SORL1: variants seen among roughly 807,000 people sequenced by gnomAD.
SORL1 encodes the protein sortilin-related receptor.
In SORL1, 127 loss-of-function variants were observed where a neutral mutation model predicts 273.7. That is an observed-to-expected ratio of 0.46 (90% confidence interval 0.40 to 0.54). The LOEUF (loss-of-function observed/expected upper bound fraction) is 0.54, where lower values mean the gene tolerates loss of function less well. Ranked by LOEUF, SORL1 falls within the 20% of genes least tolerant of loss-of-function variation. The pLI, the probability that SORL1 is intolerant of heterozygous loss-of-function variation, is 0.00. For synonymous variants in SORL1, 1,031 were observed against 1,067.4 expected, an observed-to-expected ratio of 0.97 and a Z score of 0.66; for missense variants, 2,494 against 2,846.1, an observed-to-expected ratio of 0.88 and a Z score of 2.81.
At chr11:121,599,471 G>A (rs1324143333) in intron 32 of SORL1, among the ~76,000 whole-genome samples, 1 of 152,252 alleles carries the variant, frequency 6.6e-6, no homozygotes, top group African/African-American at 2.4e-5. Context: ...TTGAACCCGG[G>A]AGGCGGAGGT....
In SORL1 at chr11:121,576,745, C is replaced by T. The variant is rs1016133135; in HGVS notation, c.3461-536C>T. 17 of 1,463,566 alleles carry T rather than the reference C, an allele frequency of 1.2e-5. No individual in the cohort carries two copies. The Admixed American group carries it at 3.6e-4, about 31-fold the overall frequency. 90.7% of individuals were successfully genotyped at this position (1,463,566 alleles called of 1,614,324 possible). ...TAGAGACAGCGCATCCACCCGTGTC[C>T]CTGGAGCTCTGCCCACAGAAAGTCC... On this transcript the variant is annotated intron_variant, in intron 24 of 47. Coordinates refer to ENST00000260197, the MANE Select transcript of SORL1 (RefSeq NM_003105.6).
rs780280596 is a variant in SORL1 at position 121,543,511 on chromosome 11, T to G, written c.1686-37T>G. The stretch of plus-strand genomic sequence containing the variant: ...GAAACCAAGCCTTTGCCTTAGAGAC[T>G]TTCACTGCAAGGATTCTCTTACTTG... On this transcript the variant is annotated intron_variant, in intron 12 of 47. Transcript: ENST00000260197. The G allele has an allele frequency of 8.9e-6, 14 of 1,567,198 alleles. No individual in the cohort carries two copies. The Admixed American group carries it at 1.9e-4, about 21-fold the overall frequency.
Position 121,545,550 on chromosome 11 carries a change from A to G in SORL1, c.2051+121A>G, listed in dbSNP as rs1862413202. 6 of 883,980 alleles carry G rather than the reference A, an allele frequency of 6.8e-6. No homozygotes were observed. In the South Asian group the frequency reaches 9.8e-5, roughly 14 times the overall value. 54.8% of individuals were successfully genotyped at this position (883,980 alleles called of 1,614,324 possible). ...AGGAAGGGAATAGAAGGAAACAAGTATTTGTGAAGCATCTTTTATGTGCCA... is the reference window on the plus strand; with the variant it reads ...AGGAAGGGAATAGAAGGAAACAAGTGTTTGTGAAGCATCTTTTATGTGCCA... On this transcript the variant is annotated intron_variant, in intron 14 of 47. Coordinates refer to ENST00000260197, the MANE Select transcript of SORL1 (RefSeq NM_003105.6).
chr11:121,522,052 A>G (rs779288842), intron 9 of SORL1, among the ~76,000 whole-genome samples: 6 of 152,232 alleles, frequency 3.9e-5, no homozygotes, highest in Admixed American at 6.5e-5. Flanking sequence ...TGCAAATGTA[A>G]AATACATAGG....
intron 35 of SORL1, among the ~76,000 whole-genome samples, chr11:121,606,558 A>G (rs1184727870): frequency 2.0e-5 from 3 of 152,240 alleles, no homozygotes. Flanking sequence ...TCTCAGGGTC[A>G]GTGGTGACTC....
intron 2 of SORL1, among the ~76,000 whole-genome samples, chr11:121,473,156 T>G (rs1054214928): frequency 6.6e-6 from 1 of 152,108 alleles, no homozygotes; most frequent in African/African-American, 2.4e-5. Flanking sequence ...GTTGGGGTAA[T>G]AACAATCCAA....
rs1862639433 is a variant in SORL1, at chr11:121,559,372, C to A, written c.2911-147C>A. ...GGTGAGGTTTGGATAAAATTGCTGTCCTTTGCATTTAAGTAGAATCTTGAT... is the reference window on the plus strand; with the variant it reads ...GGTGAGGTTTGGATAAAATTGCTGTACTTTGCATTTAAGTAGAATCTTGAT... On this transcript the variant is annotated intron_variant, in intron 20 of 47. Transcript: ENST00000260197. The A allele has an allele frequency of 5.0e-6, 4 of 797,310 alleles. No individual in the cohort carries two copies. The South Asian group carries it at 5.8e-5, about 12-fold the overall frequency. The allele number at this position is 797,310 out of a possible 1,614,324, so 49.4% of individuals were successfully genotyped here. A position where few individuals can be genotyped will look rare whatever the true frequency, so the allele number is the denominator to read the frequency against.
At chr11:121,566,885 G>A (rs1203531574) in intron 21 of SORL1, 55 bp from the exon 22 acceptor site, 2 of 1,522,558 alleles carry the variant, frequency 1.3e-6, no homozygotes, top group African/African-American at 1.4e-5. Context: ...CTTGTATTCA[G>A]TACCTCCCTC....
intron 6 of SORL1, among the ~76,000 whole-genome samples, chr11:121,512,022 A>G (rs879655481): frequency 1.3e-5 from 2 of 152,164 alleles, no homozygotes; most frequent in Admixed American, 6.5e-5. Context: ...GATATGCAAC[A>G]TTTGCCTTCA....
Position 121,586,210 on chromosome 11 carries a change from A to C in SORL1, c.3707-12A>C. On this transcript the variant is annotated splice_polypyrimidine_tract_variant and intron_variant, in intron 26 of 47. Transcript: ENST00000260197. ...CCTCGTCATTCTTCTGTGTTGTTGA[A>C]TTCTATTTCAGAGAAGAAGTGCAAT... is the stretch of plus-strand genomic sequence containing the variant. The C allele has an allele frequency of 6.3e-7, 1 of 1,599,482 alleles. No individual in the cohort carries two copies. Among genetic ancestry groups the C allele is most frequent in the Non-Finnish European group, 8.6e-7 (1 of 1,166,830 alleles).
At chr11:121,592,548 C>A (rs995980733) in intron 31 of SORL1, among the ~76,000 whole-genome samples, 8 of 152,176 alleles carry the variant, frequency 5.3e-5, no homozygotes, top group African/African-American at 1.7e-4. Context: ...TTAAACTTAC[C>A]CATTGACCTT....
chr11:121,481,775 C>T lies in SORL1; in HGVS notation c.528+3532C>T, dbSNP rs1861391845. Among the ~76,000 whole-genome samples, 3 of 143,218 alleles carry T rather than the reference C, an allele frequency of 2.1e-5. No homozygotes were observed. The South Asian group carries it at 7.0e-4, about 33-fold the overall frequency. The allele number at this position is 143,218 out of a possible 152,430, so 94.0% of individuals were successfully genotyped here. A position where few individuals can be genotyped will look rare whatever the true frequency, so the allele number is the denominator to read the frequency against. ...TGCACAGATGTCTATAGGCAGGCTC[C>T]ATCTCCTCCTCCCCAGCTCCTCCCC... On this transcript the variant is annotated intron_variant, in intron 3 of 47. Coordinates refer to ENST00000260197, the MANE Select transcript of SORL1 (RefSeq NM_003105.6).
At chr11:121,522,522 G>A in intron 9 of SORL1, 64 bp from the exon 10 acceptor site, 2 of 1,245,430 alleles carry the variant, frequency 1.6e-6, no homozygotes, top group South Asian at 2.4e-5. Context: ...CAGGCCGCAG[G>A]GTTTACAGGG....
chr11:121,486,789 G>C (rs1352195428), intron 3 of SORL1, among the ~76,000 whole-genome samples: 1 of 152,056 alleles, frequency 6.6e-6, no homozygotes, highest in East Asian at 1.9e-4. Flanking sequence ...GTGAGACTCT[G>C]TTTCTACAAA....
intron 6 of SORL1, among the ~76,000 whole-genome samples, chr11:121,498,134 G>A (rs1354919381): frequency 6.6e-6 from 1 of 152,194 alleles, no homozygotes; most frequent in Non-Finnish European, 1.5e-5. Context: ...TTTCTTGTCA[G>A]GCCATTTGCA....
At chr11:121,508,612 TCCAGTGGCTG>T (rs1861824317) in intron 6 of SORL1, among the ~76,000 whole-genome samples, 1 of 152,210 alleles carries the variant, frequency 6.6e-6, no homozygotes, top group African/African-American at 2.4e-5. Flanking sequence ...TTCTGTCCTC[TCCAGTGGCTG>T]CCAGGCTGCT....
intron 3 of SORL1, among the ~76,000 whole-genome samples, 173 bp from the exon 4 acceptor site, chr11:121,487,859 T>G (rs555936610): frequency 4.6e-5 from 7 of 152,282 alleles, no homozygotes; most frequent in Admixed American, 4.6e-4. Flanking sequence ...GTCTTTTTAT[T>G]GCCAAGAGAT....
chr11:121,571,963 A>G (rs1862851011), intron 23 of SORL1, among the ~76,000 whole-genome samples: 1 of 152,232 alleles, frequency 6.6e-6, no homozygotes, highest in Non-Finnish European at 1.5e-5. Flanking sequence ...AAGCTCTTTA[A>G]AAACATTAAT....
At chr11:121,460,617 C>T (rs568324311) in intron 1 of SORL1, among the ~76,000 whole-genome samples, 42 of 152,098 alleles carry the variant, frequency 2.8e-4, no homozygotes, top group African/African-American at 8.2e-4. Context: ...AGGCTGGTCT[C>T]GAACTCCTGA....
Sources: allele counts gnomAD v4.1 joint callset (sites outside exome capture counted in the v4.1 genomes callset), GRCh38; gene constraint gnomAD v4.1.1; transcripts MANE v1.5; gene names NCBI Gene and HGNC (gene_info 2026-07-23, HGNC 2026-07-21).